The following WASF2 variants were observed in gnomAD, a reference collection of about 807,000 sequenced individuals.
WASF2 encodes WASP family member 2.
Under a neutral mutation model 45.0 loss-of-function variants are expected in WASF2, and 14 were observed. That is an observed-to-expected ratio of 0.31 (90% confidence interval 0.21 to 0.49). WASF2 has a LOEUF of 0.49. Among genes scored for constraint, WASF2 ranks in the 20% least tolerant of loss-of-function variants. The pLI is 0.99. For missense variants in WASF2, 439 were observed against 636.1 expected (o/e 0.69, Z 3.33); for synonymous variants, 200 against 236.3 (o/e 0.85, Z 1.41).
chr1:27,462,873 G>A (rs1051436375), intron 1 of WASF2, among the ~76,000 whole-genome samples: 6 of 151,738 alleles, frequency 4.0e-5, no homozygotes, highest in Admixed American at 6.6e-5. Context: ...TCACTCTGTC[G>A]CAATGGTGCG....
intron 1 of WASF2, among the ~76,000 whole-genome samples, chr1:27,439,482 G>A (rs972639179): frequency 6.6e-6 from 1 of 152,174 alleles, no homozygotes; most frequent in African/African-American, 2.4e-5. Context: ...TAATTATAGT[G>A]CTGTTATCAA....
chr1:27,480,098 A>G (rs1384393413), intron 1 of WASF2, among the ~76,000 whole-genome samples: 1 of 152,198 alleles, frequency 6.6e-6, no homozygotes, highest in East Asian at 1.9e-4. Flanking sequence ...TATTCTACAA[A>G]GGGAAATTCA....
At chr1:27,454,185 A>ATT (rs1386019208) in intron 1 of WASF2, among the ~76,000 whole-genome samples, 1 of 7,956 alleles carries the variant, frequency 1.3e-4, no homozygotes, top group African/African-American at 3.3e-4. Flanking sequence ...ATATATATAT[A>ATT]TATTTTTTTT....
At chr1:27,459,455 A>T (rs1012849756) in intron 1 of WASF2, 1 of 152,190 alleles carries the variant, frequency 6.6e-6, no homozygotes. Flanking sequence ...CTGCTGGGCC[A>T]CATTCATAAA....
At position 27,458,115 on chromosome 1, in the gene WASF2, G is replaced by A. The variant is rs369960902; in HGVS notation, c.-43-29182C>T. On this transcript the variant is annotated intron_variant, in intron 1 of 8. Coordinates refer to ENST00000618852, the MANE Select transcript of WASF2 (RefSeq NM_006990.5). ...GCCTGAGCTCAGGAGTTCGTGACCA[G>A]CTTGGGTAACACAGCGAAACTCTGT... Among the ~76,000 whole-genome samples, 5 of 151,832 alleles carry A rather than the reference G, an allele frequency of 3.3e-5. No homozygotes were observed. In the East Asian group the frequency reaches 7.8e-4, roughly 24 times the overall value.
At chr1:27,449,721 T>C (rs1225804565) in intron 1 of WASF2, among the ~76,000 whole-genome samples, 1 of 152,192 alleles carries the variant, frequency 6.6e-6, no homozygotes, top group East Asian at 1.9e-4. Context: ...CACTGTTTCC[T>C]GAGAGAAGAT....
At position 27,464,156 on chromosome 1, in the gene WASF2, G is replaced by A. The variant is rs2017585339; in HGVS notation, c.-44+25830C>T. On this transcript the variant is annotated intron_variant, in intron 1 of 8. Coordinates refer to ENST00000618852, the MANE Select transcript of WASF2 (RefSeq NM_006990.5). The stretch of plus-strand genomic sequence containing the variant: ...GCACTTTGGGAGGCCGAGGCGGGTG[G>A]ATTGCCTGAGGTCAGCAGTTAGAGA... Among the ~76,000 whole-genome samples the A allele has an allele frequency of 5.3e-5, 8 of 152,066 alleles. No individual in the cohort carries two copies. The South Asian group carries it at 1.7e-3, about 32-fold the overall frequency.
chr1:27,488,805 T>A (rs1208650477), intron 1 of WASF2, among the ~76,000 whole-genome samples: 1 of 152,192 alleles, frequency 6.6e-6, no homozygotes, highest in Non-Finnish European at 1.5e-5. Context: ...ACTTCCCCCT[T>A]GCCCAGTGAT....
At chr1:27,460,825 C>T (rs1473714008) in intron 1 of WASF2, among the ~76,000 whole-genome samples, 1 of 152,184 alleles carries the variant, frequency 6.6e-6, no homozygotes, top group African/African-American at 2.4e-5. Flanking sequence ...GCTAAATATA[C>T]TCTTCAGCTG....
intron 1 of WASF2, among the ~76,000 whole-genome samples, chr1:27,485,333 A>G (rs1377847593): frequency 6.6e-6 from 1 of 151,994 alleles, no homozygotes; most frequent in Non-Finnish European, 1.5e-5. Flanking sequence ...TGTAATCTCA[A>G]CACTTTGGGG....
At chr1:27,457,018 C>T (rs1013965610) in intron 1 of WASF2, among the ~76,000 whole-genome samples, 9 of 151,956 alleles carry the variant, frequency 5.9e-5, no homozygotes, top group Non-Finnish European at 1.3e-4. Context: ...CTGGGATTTA[C>T]AGGCGTGAGC....
chr1:27,455,236 T>G (rs771740589), intron 1 of WASF2, among the ~76,000 whole-genome samples: 1 of 152,086 alleles, frequency 6.6e-6, no homozygotes, highest in African/African-American at 2.4e-5. Flanking sequence ...CCCCTTTTCA[T>G]AGGAAGGAGT....
At chr1:27,408,443 G>T (rs1156845818) in intron 8 of WASF2, 97 bp from the exon 9 acceptor site, 25 of 1,489,082 alleles carry the variant, frequency 1.7e-5, no homozygotes, top group Non-Finnish European at 2.3e-5. Flanking sequence ...ATGGGTAAGT[G>T]GTATTGGAAA....
intron 1 of WASF2, among the ~76,000 whole-genome samples, chr1:27,489,250 GCGCACACACACACACACACA>G (rs1202766615): frequency 9.0e-6 from 1 of 111,594 alleles, no homozygotes; most frequent in African/African-American, 3.9e-5. Context: ...TCCTGTACGC[GCGCACACACACACACACACA>G]CACACACACA....
intron 1 of WASF2, among the ~76,000 whole-genome samples, chr1:27,478,618 T>C (rs2017803499): frequency 6.6e-6 from 1 of 152,140 alleles, no homozygotes; most frequent in East Asian, 1.9e-4. Flanking sequence ...GTTTCACTCT[T>C]GTTGCCCAGG....
intron 1 of WASF2, among the ~76,000 whole-genome samples, chr1:27,464,816 C>T (rs538925708): frequency 6.6e-6 from 1 of 152,312 alleles, no homozygotes; most frequent in East Asian, 1.9e-4. Context: ...GCAACCTGTG[C>T]CTCCTGGGTT....
At chr1:27,464,278 G>A (rs2017586522) in intron 1 of WASF2, among the ~76,000 whole-genome samples, 1 of 151,872 alleles carries the variant, frequency 6.6e-6, no homozygotes, top group South Asian at 2.1e-4. Context: ...CTATTCAGGA[G>A]GCTAAGGCAG....
At chr1:27,444,843 G>C (rs2017291035) in intron 1 of WASF2, among the ~76,000 whole-genome samples, 1 of 152,162 alleles carries the variant, frequency 6.6e-6, no homozygotes, top group Non-Finnish European at 1.5e-5. Context: ...CTGGATTGTG[G>C]TATTTCTTTA....
chr1:27,415,972 C>T lies in WASF2; in HGVS notation c.537+13G>A, dbSNP rs1247946748. ...CCTACTGATGTGGAGAACAGAGGCC[C>T]CTTTCCCCTCACCCTATGCTTTCTC... is the stretch of plus-strand genomic sequence containing the variant. On this transcript the variant is annotated intron_variant, in intron 5 of 8. Coordinates refer to ENST00000618852, the MANE Select transcript of WASF2 (RefSeq NM_006990.5). 3 of 1,607,468 alleles carry T rather than the reference C, an allele frequency of 1.9e-6. No homozygotes were observed. Among genetic ancestry groups the T allele is most frequent in the African/African-American group, 2.7e-5 (2 of 74,726 alleles).
Sources: allele counts gnomAD v4.1 joint callset (sites outside exome capture counted in the v4.1 genomes callset), GRCh38; gene constraint gnomAD v4.1.1; transcripts MANE v1.5; gene names NCBI Gene and HGNC (gene_info 2026-07-23, HGNC 2026-07-21).